Variants in PCDHA2 observed in about 807,000 individuals in gnomAD.
PCDHA2 encodes the protein protocadherin alpha-2.
In PCDHA2, 58 loss-of-function variants were observed where a neutral mutation model predicts 66.0. The ratio of observed to expected loss-of-function variants is 0.88; its 90% CI spans 0.71 to 1.09. The LOEUF is 1.09. PCDHA2 is among the 50% of genes least tolerant of loss of function. The probability of loss-of-function intolerance (pLI) is 0.00; values close to 1 mark genes in which losing one functional copy is unlikely to be tolerated. For missense variants in PCDHA2, 1,267 were observed against 1,242.3 expected (o/e 1.02, Z -0.30); for synonymous variants, 634 against 554.0 (o/e 1.14, Z -2.03).
intron 1 of PCDHA2, among the ~76,000 whole-genome samples, chr5:140,946,167 T>C (rs2153672434): frequency 6.6e-6 from 1 of 151,842 alleles, no homozygotes; most frequent in South Asian, 2.1e-4. Context: ...AAAAGATGGG[T>C]AAAGGATGTG....
At chr5:140,967,915 T>C in intron 1 of PCDHA2, 1 of 1,614,148 alleles carries the variant, frequency 6.2e-7, no homozygotes, top group Non-Finnish European at 8.5e-7. Context: ...CCAACACCAT[T>C]GTGGCCGTTC....
intron 1 of PCDHA2, among the ~76,000 whole-genome samples, chr5:140,961,185 G>T (rs2095595656): frequency 6.6e-6 from 1 of 152,100 alleles, no homozygotes; most frequent in Non-Finnish European, 1.5e-5. Context: ...ACTCCTCACA[G>T]GACCCTAGTG....
chr5:140,926,912 C>A, intron 1 of PCDHA2: 1 of 1,561,732 alleles, frequency 6.4e-7, no homozygotes. Context: ...TGTGGGGTGG[C>A]AGTTTTATGT....
intron 3 of PCDHA2, 146 bp downstream of exon 3, chr5:140,982,709 A>G (rs2096998107): frequency 2.2e-6 from 3 of 1,375,182 alleles, no homozygotes; most frequent in Admixed American, 2.9e-5. Flanking sequence ...ATTTCCTTAC[A>G]TATATGATTA....
intron 3 of PCDHA2, among the ~76,000 whole-genome samples, chr5:141,000,961 C>A (rs1207814885): frequency 6.6e-6 from 1 of 151,948 alleles, no homozygotes; most frequent in Non-Finnish European, 1.5e-5. Flanking sequence ...GTAATTTAAG[C>A]CTTCATATTC....
chr5:140,862,165 T>C (rs1003648198), intron 1 of PCDHA2: 39 of 164,612 alleles, frequency 2.4e-4, no homozygotes, highest in Non-Finnish European at 2.3e-4. Context: ...AAGATTCAAA[T>C]ACAGGCAGTT....
intron 1 of PCDHA2, chr5:140,851,035 A>G: frequency 7.1e-7 from 1 of 1,400,972 alleles, no homozygotes; most frequent in Non-Finnish European, 9.4e-7. Context: ...ACCCCTTAAC[A>G]TTGGAGCCGA....
At chr5:140,857,347 G>A (rs781930086) in intron 1 of PCDHA2, 5 of 1,598,352 alleles carry the variant, frequency 3.1e-6, no homozygotes, top group Non-Finnish European at 4.3e-6. Context: ...GCTCGCCTCC[G>A]CTGTGGGCCA....
At chr5:140,808,709 G>T in intron 1 of PCDHA2, 1 of 1,612,236 alleles carries the variant, frequency 6.2e-7, no homozygotes, top group Non-Finnish European at 8.5e-7. Flanking sequence ...GTCGAGCTAC[G>T]TTTCGGTGCA....
chr5:140,925,917 A>T (rs1480980894), intron 1 of PCDHA2, among the ~76,000 whole-genome samples: 1 of 151,098 alleles, frequency 6.6e-6, no homozygotes, highest in African/African-American at 2.5e-5. Context: ...CCGTTTGCAA[A>T]GCACTCCCAA....
intron 1 of PCDHA2, chr5:140,810,947 T>C (rs1170384850): frequency 6.6e-6 from 1 of 152,206 alleles, no homozygotes; most frequent in Non-Finnish European, 1.5e-5. Flanking sequence ...ACAATCCATT[T>C]GGAATATACA....
At position 140,842,945 on chromosome 5, in the gene PCDHA2, G is replaced by T. The variant is rs2150348444; in HGVS notation, c.2388+45593G>T. The T allele has an allele frequency of 7.5e-6, 12 of 1,594,542 alleles. 1 individual carries two copies. In the East Asian group the frequency reaches 1.8e-4, roughly 24 times the overall value. On this transcript the variant is annotated intron_variant, in intron 1 of 3. Transcript: ENST00000526136. ...CCAGGTGAGCGCGCGCGACGCGGGC[G>T]TGCCGCCTCTGGGCAGCAACGTGAC...
intron 1 of PCDHA2, among the ~76,000 whole-genome samples, chr5:140,890,396 A>C (rs1466548320): frequency 1.3e-5 from 2 of 152,134 alleles, no homozygotes; most frequent in African/African-American, 4.8e-5. Context: ...ATAATCTATA[A>C]ATTTTAACTT....
chr5:140,858,291 A>C (rs782112368), intron 1 of PCDHA2: 1 of 1,597,182 alleles, frequency 6.3e-7, no homozygotes, highest in South Asian at 1.1e-5. Flanking sequence ...AGCTGGTCTT[A>C]CTCGCAGCAG....
At chr5:140,830,133 G>T (rs1770838333) in intron 1 of PCDHA2, 1 of 1,613,342 alleles carries the variant, frequency 6.2e-7, no homozygotes, top group African/African-American at 1.3e-5. Flanking sequence ...GCGTCATCAC[G>T]GGCGTCGGTG....
At chr5:140,822,616 A>G (rs1554128752) in intron 1 of PCDHA2, 2 of 1,611,568 alleles carry the variant, frequency 1.2e-6, no homozygotes, top group Non-Finnish European at 1.7e-6. Flanking sequence ...GTATTTCTTT[A>G]GTAATCTTGT....
rs1554144804 is a variant in PCDHA2, at chr5:140,850,700, C to G, written c.2388+53348C>G. 17 of 1,597,908 alleles carry G rather than the reference C, an allele frequency of 1.1e-5. 1 individual carries two copies. The highest frequency in any genetic ancestry group is 1.7e-5 in the Admixed American group (1 of 59,228). ...CCACCGAGGGCGAGTGCGCGCCTGG[C>G]AAGCCGACGCTGGTGTGTTCTAGCG... On this transcript the variant is annotated intron_variant, in intron 1 of 3. Transcript: ENST00000526136.
intron 1 of PCDHA2, chr5:140,809,252 C>A (rs1314068849): frequency 1.2e-6 from 2 of 1,614,082 alleles, no homozygotes; most frequent in African/African-American, 1.3e-5. Flanking sequence ...CGCTGTGGGT[C>A]CCGATGCTGC....
chr5:140,872,785 C>A (rs781982200), intron 1 of PCDHA2, among the ~76,000 whole-genome samples: 1 of 152,072 alleles, frequency 6.6e-6, no homozygotes, highest in Non-Finnish European at 1.5e-5. Context: ...ATAATATATG[C>A]TAGTTGGCAT....
Sources: allele counts gnomAD v4.1 joint callset (sites outside exome capture counted in the v4.1 genomes callset), GRCh38; gene constraint gnomAD v4.1.1; transcripts MANE v1.5; gene names NCBI Gene and HGNC (gene_info 2026-07-23, HGNC 2026-07-21).